TOPAZ1: variants seen among roughly 807,000 people sequenced by gnomAD.
TOPAZ1 encodes protein TOPAZ1.
In TOPAZ1, 66 loss-of-function variants were observed where a neutral mutation model predicts 172.2. That is an observed-to-expected ratio of 0.38 (90% CI 0.31 to 0.47). The LOEUF (loss-of-function observed/expected upper bound fraction) is 0.47. Among genes scored for constraint, TOPAZ1 ranks in the 20% least tolerant of loss-of-function variants. The pLI is 0.99. For synonymous variants in TOPAZ1, 681 were observed against 683.9 expected (o/e 1.00, Z 0.07); for missense variants, 1,822 against 1,972.4 (o/e 0.92, Z 1.44).
In TOPAZ1 at chr3:44,315,533, A is replaced by ATTTTTT. The variant is rs369669969; in HGVS notation, c.4307-5480_4307-5475dup. 4.7e-5 allele frequency among the ~76,000 whole-genome samples: 6 copies of ATTTTTT among 128,904 alleles called. No homozygotes were observed. The South Asian group carries it at 1.2e-3, about 26-fold the overall frequency. 84.6% of individuals were successfully genotyped at this position (128,904 alleles called of 152,430 possible). A position where few individuals can be genotyped will look rare whatever the true frequency, so the allele number is the denominator to read the frequency against. On this transcript the variant is annotated intron_variant, in intron 16 of 19. Coordinates refer to ENST00000309765, the MANE Select transcript of TOPAZ1 (RefSeq NM_001145030.2). ...CAGGTGTGCACCACCACGTCTGGCT[A>ATTTTTT]TTTTTTTTTTTTTTTTTTTAGTAGG...
At chr3:44,247,769 C>T (rs756404624) in intron 2 of TOPAZ1, among the ~76,000 whole-genome samples, 2 of 152,150 alleles carry the variant, frequency 1.3e-5, no homozygotes, top group African/African-American at 2.4e-5. Context: ...CCTGCCCTGG[C>T]CTCCTGAGTA....
chr3:44,287,763 T>C lies in TOPAZ1; in HGVS notation c.3605T>C (p.Leu1202Ser). ...MVKMLPSLKI[L>S]LNIFEYVATM... Reference sequence around the variant, plus strand: ...TTTATCCAGCCTTCTCTGAAAATATTACTAAACATATTTGAGTATGTGGCA... The same window carrying C: ...TTTATCCAGCCTTCTCTGAAAATATCACTAAACATATTTGAGTATGTGGCA... The change falls in exon 11 of 20, where the codon TTA becomes TCA. Residue 1202 changes from leucine to serine, a missense_variant. By Grantham distance (145) the Leu-to-Ser change is moderately radical. Transcript: ENST00000309765. 1.3e-6 allele frequency: 2 copies of C among 1,488,018 alleles called. No homozygotes were observed. The highest frequency in any genetic ancestry group is 9.0e-7 in the Non-Finnish European group (1 of 1,105,378). 92.2% of individuals were successfully genotyped at this position (1,488,018 alleles called of 1,614,324 possible). A position where few individuals can be genotyped will look rare whatever the true frequency, so the allele number is the denominator to read the frequency against.
At chr3:44,305,354 A>C in intron 14 of TOPAZ1, 33 bp downstream of exon 14, 1 of 1,483,986 alleles carries the variant, frequency 6.7e-7, no homozygotes, top group African/African-American at 1.4e-5. Flanking sequence ...AATATTGTGT[A>C]TGAGGATGGT....
chr3:44,318,473 A>C (rs1231457758), intron 16 of TOPAZ1, among the ~76,000 whole-genome samples: 2 of 97,814 alleles, frequency 2.0e-5, no homozygotes, highest in African/African-American at 8.0e-5. Context: ...ACAAAACCCT[A>C]CTGAGGGCCA....
intron 2 of TOPAZ1, among the ~76,000 whole-genome samples, chr3:44,250,361 T>C (rs1553644893): frequency 6.6e-6 from 1 of 151,934 alleles, no homozygotes; most frequent in Non-Finnish European, 1.5e-5. Context: ...CCCATTCCGC[T>C]GAGAATCTAA....
In TOPAZ1 at chr3:44,287,760, T is replaced by C; in HGVS notation, c.3602T>C (p.Ile1201Thr). 6.7e-7 allele frequency: 1 copy of C among 1,481,526 alleles called. No individual in the cohort carries two copies. Among genetic ancestry groups the C allele is most frequent in the South Asian group, 1.3e-5 (1 of 75,880 alleles). 91.8% of individuals were successfully genotyped at this position (1,481,526 alleles called of 1,614,324 possible). A position where few individuals can be genotyped will look rare whatever the true frequency, so the allele number is the denominator to read the frequency against. ...TGTTTTATCCAGCCTTCTCTGAAAA[T>C]ATTACTAAACATATTTGAGTATGTG... ...IMVKMLPSLK[I>T]LLNIFEYVAT... The change falls in exon 11 of 20, where the codon ATA becomes ACA. Residue 1201 changes from isoleucine to threonine, a missense_variant. Ile to Thr is a moderately conservative substitution (Grantham distance 89). This residue lies in a region of TOPAZ1 where 1,489 missense variants were observed against 1,490.8 expected (regional missense o/e 1.00). Transcript: ENST00000309765.
rs1171134774 is a variant in TOPAZ1, at chr3:44,321,048, C to T, written c.4328C>T (p.Thr1443Met). The T allele has an allele frequency of 1.4e-5, 21 of 1,546,608 alleles. No individual in the cohort carries two copies. The highest frequency in any genetic ancestry group is 1.2e-4 in the East Asian group (5 of 40,640). The change falls in exon 17 of 20, where the codon ACG becomes ATG. Residue 1443 changes from threonine to methionine, a missense_variant. Thr to Met is a moderately conservative substitution (Grantham distance 81). This residue lies in a region of TOPAZ1 where 333 missense variants were observed against 481.7 expected (regional missense o/e 0.69). Transcript: ENST00000309765. ...VMRESEWIIN[T>M]PLWPCDRLDV... ...GAAGAGTCAGAGTGGATAATCAATA[C>T]GCCTCTGTGGCCTTGTGATAGACTG...
chr3:44,257,469 AGTGTGTGTGTGTGTGTGTGTGTGTGT>A (rs10523650), intron 4 of TOPAZ1, among the ~76,000 whole-genome samples: 7 of 113,850 alleles, frequency 6.1e-5, no homozygotes, highest in East Asian at 2.1e-4. Flanking sequence ...ATATATATAT[AGTGTGTGTGTGTGTGTGTGTGTGTGT>A]GTGTGTGTGT....
At chr3:44,256,832 C>G in intron 4 of TOPAZ1, among the ~76,000 whole-genome samples, 1 of 152,134 alleles carries the variant, frequency 6.6e-6, no homozygotes, top group East Asian at 1.9e-4. Context: ...GTTTTCGTCT[C>G]TCTCTTACCT....
At chr3:44,247,437 T>C (rs1180767067) in intron 2 of TOPAZ1, among the ~76,000 whole-genome samples, 1 of 152,244 alleles carries the variant, frequency 6.6e-6, no homozygotes, top group East Asian at 1.9e-4. Context: ...CAGTGTTTGC[T>C]TTCTTAATAT....
intron 1 of TOPAZ1, 117 bp from the exon 2 acceptor site, chr3:44,242,736 A>C (rs756047122): frequency 2.8e-4 from 224 of 813,194 alleles, no homozygotes; most frequent in Non-Finnish European, 3.9e-4. Flanking sequence ...ATGTGTATTT[A>C]CATACAGCTG....
chr3:44,250,202 T>C (rs1240008014), intron 2 of TOPAZ1, among the ~76,000 whole-genome samples: 2 of 135,484 alleles, frequency 1.5e-5, no homozygotes, highest in Non-Finnish European at 3.0e-5. Flanking sequence ...AGAGGACTTC[T>C]AGAGTAGAGT....
intron 8 of TOPAZ1, among the ~76,000 whole-genome samples, chr3:44,272,962 C>G (rs1472346827): frequency 6.6e-6 from 1 of 152,154 alleles, no homozygotes; most frequent in African/African-American, 2.4e-5. Context: ...GTATGGCTTG[C>G]AAATATTTCT....
chr3:44,257,614 T>C (rs760523671), intron 4 of TOPAZ1, among the ~76,000 whole-genome samples: 9 of 151,898 alleles, frequency 5.9e-5, no homozygotes, highest in Admixed American at 3.9e-4. Flanking sequence ...GTTGGGCTCC[T>C]GATAAAGTAC....
rs139487667 is a variant in TOPAZ1, at chr3:44,244,321, G to A, written c.1815G>A (p.Gly605=). The part of the protein sequence containing the change: ...KIKSEELSRR[G]SEVISNTTED... ...AATCAGAGGAACTGAGCAGAAGAGG[G>A]TCAGAGGTAATTTCTAACACTACTG... Residue 605 remains glycine, a synonymous_variant, in exon 2 of 20, where the codon GGG becomes GGA. Coordinates refer to ENST00000309765, the MANE Select transcript of TOPAZ1 (RefSeq NM_001145030.2). 234 of 1,550,850 alleles carry A rather than the reference G, an allele frequency of 1.5e-4. 3 individuals are homozygous for A. In the African/African-American group the frequency reaches 2.8e-3, roughly 18 times the overall value.
At chr3:44,245,314 G>T in intron 2 of TOPAZ1, 43 bp downstream of exon 2, 1 of 1,466,164 alleles carries the variant, frequency 6.8e-7, no homozygotes, top group Non-Finnish European at 9.0e-7. Flanking sequence ...ATTGTTGGGG[G>T]TTAGAAAAGC....
chr3:44,301,907 T>C (rs1463035063), intron 12 of TOPAZ1, among the ~76,000 whole-genome samples: 1 of 152,208 alleles, frequency 6.6e-6, no homozygotes, highest in African/African-American at 2.4e-5. Flanking sequence ...GTCAAGGTTA[T>C]GTTTTATTGC....
intron 12 of TOPAZ1, among the ~76,000 whole-genome samples, chr3:44,298,909 A>ATATATATATATTTTT (rs1287571186): frequency 2.4e-5 from 1 of 41,312 alleles, no homozygotes; most frequent in Non-Finnish European, 4.3e-5. Context: ...ATATATATAT[A>ATATATATATATTTTT]TTTTTTTTTT....
chr3:44,325,316 A>T (rs563569142), intron 18 of TOPAZ1, among the ~76,000 whole-genome samples: 8 of 152,216 alleles, frequency 5.3e-5, no homozygotes, highest in African/African-American at 1.7e-4. Flanking sequence ...GACTTTTTTT[A>T]AACTTTTTTT....
Sources: allele counts gnomAD v4.1 joint callset (sites outside exome capture counted in the v4.1 genomes callset), GRCh38; gene constraint gnomAD v4.1.1; regional missense constraint gnomAD v4.1.1; transcripts MANE v1.5; gene names NCBI Gene and HGNC (gene_info 2026-07-23, HGNC 2026-07-21).